The following FAM171A1 variants were observed in gnomAD, a reference collection of about 807,000 sequenced individuals.
FAM171A1 encodes family with sequence similarity 171 member A1.
FAM171A1 carries 23 observed loss-of-function variants against 74.9 expected under a neutral mutation model. That is an observed-to-expected ratio of 0.31 (90% CI 0.22 to 0.44). The LOEUF (loss-of-function observed/expected upper bound fraction) is 0.44, where lower values mean the gene tolerates loss of function less well. FAM171A1 is among the 20% of genes least tolerant of loss of function. The pLI, the probability that FAM171A1 is intolerant of heterozygous loss-of-function variation, is 1.00. For missense variants in FAM171A1, 1,162 were observed against 1,159.2 expected (o/e 1.00, Z -0.03); for synonymous variants, 527 against 505.7 (o/e 1.04, Z -0.57).
intron 5 of FAM171A1, among the ~76,000 whole-genome samples, chr10:15,234,906 C>T (rs1353647701): frequency 1.3e-5 from 2 of 152,116 alleles, no homozygotes; most frequent in Non-Finnish European, 2.9e-5. Flanking sequence ...TCGTGATCCG[C>T]CTGCCTCGGC....
chr10:15,328,311 AT>A (rs1202903835), intron 1 of FAM171A1, among the ~76,000 whole-genome samples: 2 of 151,918 alleles, frequency 1.3e-5, no homozygotes, highest in Non-Finnish European at 2.9e-5. Flanking sequence ...AGCCCAGCTA[AT>A]TTTTTGTATT....
At chr10:15,358,820 T>C (rs943986907) in intron 1 of FAM171A1, among the ~76,000 whole-genome samples, 3 of 152,242 alleles carry the variant, frequency 2.0e-5, no homozygotes, top group African/African-American at 7.2e-5. Context: ...AAGCCCCTTA[T>C]TTACATTGGT....
Position 15,213,284 on chromosome 10 carries a change from G to T in FAM171A1, c.2304C>A (p.Pro768=), listed in dbSNP as rs139938475. 6.2e-7 allele frequency: 1 copy of T among 1,614,056 alleles called. No individual in the cohort carries two copies. Among genetic ancestry groups the T allele is most frequent in the Non-Finnish European group, 8.5e-7 (1 of 1,180,020 alleles). ...GCTCTTTCTGCTGGTGCTCTTGGAC[G>T]GGCGGGTAGTTCTGCTGCAGAGACA... ...DALSLQQNYP[P]VQEHQQKEPR... Residue 768 remains proline (P), a synonymous_variant, in exon 8 of 8, where the codon CCC becomes CCA. Transcript: ENST00000378116. The surrounding 1 kb of genome is among the most constrained non-coding windows in gnomAD (Gnocchi z 6.8).
chr10:15,330,307 C>T (rs1835612201), intron 1 of FAM171A1, among the ~76,000 whole-genome samples: 1 of 152,154 alleles, frequency 6.6e-6, no homozygotes, highest in South Asian at 2.1e-4. Context: ...CCACTGCACC[C>T]CAGCCTGGGC....
chr10:15,254,494 T>C (rs1834550262), intron 4 of FAM171A1, among the ~76,000 whole-genome samples: 1 of 152,216 alleles, frequency 6.6e-6, no homozygotes, highest in Non-Finnish European at 1.5e-5. Flanking sequence ...AGGCAACTGG[T>C]AACAGAAGAA....
chr10:15,360,259 G>C (rs1268826849), intron 1 of FAM171A1, among the ~76,000 whole-genome samples: 1 of 152,130 alleles, frequency 6.6e-6, no homozygotes, highest in African/African-American at 2.4e-5. Flanking sequence ...GACCTTGTGA[G>C]ACCCCAACCA....
chr10:15,362,552 C>T (rs11819118), intron 1 of FAM171A1, among the ~76,000 whole-genome samples: 3,109 of 152,210 alleles, frequency 0.02, 104 homozygotes, highest in African/African-American at 0.071. Flanking sequence ...GGTGAAACCC[C>T]ATCTCTACTA....
intron 5 of FAM171A1, among the ~76,000 whole-genome samples, chr10:15,227,286 C>T (rs1010333746): frequency 3.3e-5 from 5 of 151,828 alleles, no homozygotes; most frequent in Non-Finnish European, 5.9e-5. Context: ...TAGGTGTGAG[C>T]CACTGCACCC....
At chr10:15,276,594 T>C (rs1834897957) in intron 2 of FAM171A1, among the ~76,000 whole-genome samples, 1 of 152,232 alleles carries the variant, frequency 6.6e-6, no homozygotes, top group Non-Finnish European at 1.5e-5. Flanking sequence ...TAAGAATGGC[T>C]TTAAAAATAC....
intron 5 of FAM171A1, among the ~76,000 whole-genome samples, chr10:15,236,151 G>C (rs1834285973): frequency 6.6e-6 from 1 of 152,134 alleles, no homozygotes; most frequent in South Asian, 2.1e-4. Flanking sequence ...GGAACAGCTG[G>C]TCAGGTATGG....
chr10:15,217,085 T>A (rs184387123), intron 6 of FAM171A1, among the ~76,000 whole-genome samples: 1 of 152,198 alleles, frequency 6.6e-6, no homozygotes, highest in East Asian at 1.9e-4. Context: ...TGGCCAGAGA[T>A]CTCTTTAGAA....
upstream of FAM171A1, among the ~76,000 whole-genome samples, chr10:15,372,209 G>A (rs1032724031): frequency 4.6e-5 from 7 of 152,164 alleles, no homozygotes; most frequent in African/African-American, 1.7e-4. Flanking sequence ...GTTCGGTCAA[G>A]CAGAGACTCT....
Position 15,242,861 on chromosome 10 carries a change from T to C in FAM171A1, c.754+5778A>G, listed in dbSNP as rs146970159. Among the ~76,000 whole-genome samples, 748 of 152,312 alleles carry C rather than the reference T, an allele frequency of 4.9e-3. 5 individuals are homozygous for C. Among genetic ancestry groups the C allele is most frequent in the African/African-American group, 0.016 (675 of 41,568 alleles). The stretch of plus-strand genomic sequence containing the variant: ...CCCAATGTACTGTCATGGTTATTTT[T>C]TCAGAGAGGAAACAGAGAATGGGCT... On this transcript the variant is annotated intron_variant, in intron 5 of 7. Transcript: ENST00000378116.
At chr10:15,360,375 T>C (rs1241360835) in intron 1 of FAM171A1, among the ~76,000 whole-genome samples, 1 of 152,210 alleles carries the variant, frequency 6.6e-6, no homozygotes, top group African/African-American at 2.4e-5. Context: ...TTCGTTAAGG[T>C]AGAAATGGAA....
At chr10:15,225,313 G>A (rs1834090727) in intron 5 of FAM171A1, among the ~76,000 whole-genome samples, 1 of 152,196 alleles carries the variant, frequency 6.6e-6, no homozygotes, top group African/African-American at 2.4e-5. Context: ...CAGTAGGCAG[G>A]GAAGGATATC....
intron 3 of FAM171A1, among the ~76,000 whole-genome samples, chr10:15,256,406 A>G (rs1002134545): frequency 1.4e-4 from 22 of 152,268 alleles, no homozygotes; most frequent in South Asian, 1.0e-3. Context: ...GGGAGTCACA[A>G]TGCTCCCTCT....
chr10:15,266,865 T>TC (rs1554835033), intron 3 of FAM171A1, among the ~76,000 whole-genome samples: 1 of 117,674 alleles, frequency 8.5e-6, no homozygotes, highest in African/African-American at 3.3e-5. Context: ...TGAGACTGTT[T>TC]CAAAAAAAAA....
chr10:15,295,961 T>C (rs1835156379), intron 1 of FAM171A1, among the ~76,000 whole-genome samples: 1 of 152,236 alleles, frequency 6.6e-6, no homozygotes, highest in Non-Finnish European at 1.5e-5. Context: ...TAGGAGGTTA[T>C]TGTAAAAATG....
chr10:15,256,814 T>C (rs1260520502), intron 3 of FAM171A1, among the ~76,000 whole-genome samples: 1 of 152,206 alleles, frequency 6.6e-6, no homozygotes. Flanking sequence ...AGTCTGTTTC[T>C]CATCCCTTCT....
Sources: gnomAD v4.1 joint callset for allele counts (sites outside exome capture counted in the v4.1 genomes callset) on GRCh38, gnomAD v4.1.1 for gene constraint, Gnocchi (gnomAD v3.1) non-coding constraint, MANE v1.5 for transcripts, NCBI Gene and HGNC (gene_info 2026-07-23, HGNC 2026-07-21) for gene names.